Variants in HEATR5A observed in about 807,000 individuals in gnomAD.
HEATR5A encodes HEAT repeat-containing protein 5A.
A neutral mutation model predicts 218.8 loss-of-function variants in HEATR5A; 178 were observed. The ratio of observed to expected loss-of-function variants is 0.81; its 90% CI spans 0.72 to 0.92. HEATR5A has a LOEUF of 0.92. Ranked by LOEUF, HEATR5A falls within the 40% of genes least tolerant of loss-of-function variation. The pLI is 0.00. For missense variants in HEATR5A, 2,420 were observed against 2,418.9 expected (o/e 1.00, Z -0.01); for synonymous variants, 864 against 871.6 (o/e 0.99, Z 0.15).
intron 32 of HEATR5A, among the ~76,000 whole-genome samples, chr14:31,303,447 C>CA (rs925729544): frequency 1.3e-5 from 2 of 151,514 alleles, no homozygotes; most frequent in Non-Finnish European, 2.9e-5. Context: ...AACAAACAAA[C>CA]AAAAAACAAA....
intron 16 of HEATR5A, among the ~76,000 whole-genome samples, chr14:31,354,604 T>C (rs1901353995): frequency 6.6e-6 from 1 of 152,208 alleles, no homozygotes; most frequent in Non-Finnish European, 1.5e-5. Flanking sequence ...AATTATAACA[T>C]ATAATTATCA....
intron 16 of HEATR5A, among the ~76,000 whole-genome samples, chr14:31,355,998 G>A (rs1333625675): frequency 1.3e-5 from 2 of 152,160 alleles, no homozygotes; most frequent in Non-Finnish European, 2.9e-5. Context: ...ATATTCGGTT[G>A]CTGTTTAAAT....
intron 28 of HEATR5A, among the ~76,000 whole-genome samples, chr14:31,309,443 T>A (rs2139144014): frequency 6.6e-6 from 1 of 152,312 alleles, no homozygotes; most frequent in Admixed American, 6.5e-5. Context: ...CAAAATAACC[T>A]AACAACATTT....
At chr14:31,346,786 G>A (rs552754006) in intron 19 of HEATR5A, among the ~76,000 whole-genome samples, 2 of 152,190 alleles carry the variant, frequency 1.3e-5, no homozygotes, top group African/African-American at 2.4e-5. Flanking sequence ...AAAATGTGAC[G>A]AATTAGGAGG....
chr14:31,412,743 G>A (rs1307832412), intron 1 of HEATR5A, among the ~76,000 whole-genome samples: 1 of 152,044 alleles, frequency 6.6e-6, no homozygotes, highest in African/African-American at 2.4e-5. Context: ...CGTGGTGGCA[G>A]GCGCCTGTAA....
At chr14:31,312,632 C>A (rs554937980) in intron 28 of HEATR5A, among the ~76,000 whole-genome samples, 1 of 152,058 alleles carries the variant, frequency 6.6e-6, no homozygotes, top group Non-Finnish European at 1.5e-5. Flanking sequence ...ATGCTGGTCT[C>A]GAACTCAGGA....
At chr14:31,299,989 T>C (rs1259418064) in intron 33 of HEATR5A, among the ~76,000 whole-genome samples, 2 of 151,892 alleles carry the variant, frequency 1.3e-5, no homozygotes, top group East Asian at 1.9e-4. Context: ...TGAGCCGAGA[T>C]TGTACCATTG....
chr14:31,299,684 T>C (rs973422041), intron 33 of HEATR5A, among the ~76,000 whole-genome samples: 3 of 150,894 alleles, frequency 2.0e-5, no homozygotes, highest in East Asian at 2.0e-4. Context: ...GATCGCGCCA[T>C]TGCACTCCAG....
At position 31,387,171 on chromosome 14, in the gene HEATR5A, C is replaced by G; in HGVS notation, c.1138G>C (p.Ala380Pro). The G allele has an allele frequency of 6.2e-7, 1 of 1,613,962 alleles. No homozygotes were observed. Among genetic ancestry groups the G allele is most frequent in the Non-Finnish European group, 8.5e-7 (1 of 1,179,874 alleles). Residue 380 changes from alanine (A) to proline (P), a missense_variant, in exon 8 of 36, where the codon GCT (alanine) becomes CCT (proline). By Grantham distance (27) the Ala-to-Pro change is conservative. Transcript: ENST00000543095. ...GGLLGEKAQLAAVKDICQAIW... is the reference protein window; with the variant it reads ...GGLLGEKAQLPAVKDICQAIW... ...GCCTGGCAAATATCCTTTACAGCAG[C>G]AAGCTGAGCCTTTTCTCCAAGAAGA...
intron 33 of HEATR5A, among the ~76,000 whole-genome samples, chr14:31,301,471 A>C (rs74888765): frequency 0.036 from 5,451 of 152,222 alleles, 283 homozygotes; most frequent in African/African-American, 0.12. Context: ...TCATTTATTG[A>C]TATATGCCAG....
rs1303285633 is a variant in HEATR5A, at chr14:31,315,807, G to T, written c.4181C>A (p.Thr1394Asn). ...LSHLYNESAS[T>N]MEILAVLKAW... ...TTTAAGCACAGCTAAGATCTCCATG[G>T]TAGAAGCACTTTCATTATATAAGTG... The change falls in exon 27 of 36, where the codon ACC (threonine) becomes AAC (asparagine). Residue 1394 changes from threonine to asparagine, a missense_variant. Physicochemically the swap from Thr to Asn is moderately conservative, Grantham distance 65. Coordinates refer to ENST00000543095, the MANE Select transcript of HEATR5A (RefSeq NM_015473.4). The T allele has an allele frequency of 6.2e-7, 1 of 1,612,242 alleles. No individual in the cohort carries two copies. The highest frequency in any genetic ancestry group is 1.3e-5 in the African/African-American group (1 of 74,826).
Position 31,321,664 on chromosome 14 carries a change from C to A in HEATR5A, c.3804G>T (p.Leu1268=), listed in dbSNP as rs754108625. ...CCATGCGAATTAAGTCAGCAAGATG[C>A]AGTACCAAAAAGTCATCTATAAGAT... ...KRDSRNDFLV[L]HLADLIRMAF... is the part of the protein sequence containing the mutation. Residue 1268 remains leucine, a synonymous_variant, in exon 25 of 36, where the codon CTG becomes CTT. Coordinates refer to ENST00000543095, the MANE Select transcript of HEATR5A (RefSeq NM_015473.4). The A allele has an allele frequency of 6.3e-7, 1 of 1,596,860 alleles. No individual in the cohort carries two copies.
chr14:31,414,361 C>T (rs1009287816), intron 1 of HEATR5A, among the ~76,000 whole-genome samples: 2 of 152,156 alleles, frequency 1.3e-5, no homozygotes, highest in Non-Finnish European at 2.9e-5. Context: ...CCATCAAAGC[C>T]TATTCATTCT....
intron 26 of HEATR5A, among the ~76,000 whole-genome samples, chr14:31,316,325 T>TAA (rs147402598): frequency 2.7e-4 from 40 of 148,994 alleles, no homozygotes; most frequent in African/African-American, 9.9e-4. Context: ...GCCCATCTCT[T>TAA]AAAAAAAAAA....
At chr14:31,338,630 T>G (rs1900741672) in intron 21 of HEATR5A, among the ~76,000 whole-genome samples, 2 of 152,194 alleles carry the variant, frequency 1.3e-5, no homozygotes, top group African/African-American at 4.8e-5. Flanking sequence ...TCTGGTATGT[T>G]CTACAAAATA....
chr14:31,297,871 T>C (rs1192966327), intron 33 of HEATR5A, among the ~76,000 whole-genome samples: 2 of 151,950 alleles, frequency 1.3e-5, no homozygotes, highest in Non-Finnish European at 2.9e-5. Flanking sequence ...TTACAGAGAG[T>C]GTACTGTTAA....
chr14:31,419,717 G>A (rs971832474), intron 1 of HEATR5A, among the ~76,000 whole-genome samples: 1 of 152,168 alleles, frequency 6.6e-6, no homozygotes, highest in East Asian at 1.9e-4. Flanking sequence ...CTTGCCAGAG[G>A]TATCCATTAC....
At chr14:31,366,960 C>G (rs763677679) in intron 13 of HEATR5A, among the ~76,000 whole-genome samples, 2 of 152,156 alleles carry the variant, frequency 1.3e-5, no homozygotes, top group Non-Finnish European at 2.9e-5. Flanking sequence ...CAAACACCAT[C>G]CTATCAGTAA....
At chr14:31,299,517 C>T (rs754545048) in intron 33 of HEATR5A, among the ~76,000 whole-genome samples, 19 of 151,666 alleles carry the variant, frequency 1.3e-4, no homozygotes, top group African/African-American at 4.1e-4. Context: ...GTCAGGAGTT[C>T]GAGACCAGCC....
Sources: gnomAD v4.1 joint callset for allele counts (sites outside exome capture counted in the v4.1 genomes callset) on GRCh38, gnomAD v4.1.1 for gene constraint, MANE v1.5 for transcripts, NCBI Gene and HGNC (gene_info 2026-07-23, HGNC 2026-07-21) for gene names.